The following UFM1 variants were observed in gnomAD, a reference collection of about 807,000 sequenced individuals.
UFM1 encodes the protein ubiquitin fold modifier 1.
Under a neutral mutation model 15.4 loss-of-function variants are expected in UFM1, and 9 were observed. The ratio of observed to expected loss-of-function variants is 0.59; its 90% CI spans 0.35 to 1.02. The LOEUF (loss-of-function observed/expected upper bound fraction) is 1.02. Ranked by LOEUF, UFM1 falls within the 50% of genes least tolerant of loss-of-function variation. UFM1 has a pLI of 0.02. For missense variants in UFM1, 98 were observed against 104.7 expected (o/e 0.94, Z 0.28); for synonymous variants, 27 against 36.3 (o/e 0.74, Z 0.92).
rs371532681 is a variant in UFM1, at chr13:38,349,939, G to C, written c.2+18G>C. On this transcript the variant is annotated intron_variant, in intron 1 of 5. Coordinates refer to ENST00000239878, the MANE Select transcript of UFM1 (RefSeq NM_016617.4). The stretch of plus-strand genomic sequence containing the variant: ...ACCACCATGTAAGTGTTTGCTTACC[G>C]ACTGCCATAATTCCTGGTCCAGCTG... 14 of 1,613,856 alleles carry C rather than the reference G, an allele frequency of 8.7e-6. No individual in the cohort carries two copies. In the African/African-American group the frequency reaches 1.9e-4, roughly 22 times the overall value.
intron 5 of UFM1, among the ~76,000 whole-genome samples, 166 bp from the exon 6 acceptor site, chr13:38,360,545 G>A (rs557479239): frequency 2.6e-4 from 40 of 152,184 alleles, no homozygotes; most frequent in African/African-American, 9.4e-4. Flanking sequence ...GAAGATAGGA[G>A]AATAGGAACA....
At chr13:38,350,175 T>G (rs749251369) in intron 2 of UFM1, 120 bp downstream of exon 2, 6 of 1,613,972 alleles carry the variant, frequency 3.7e-6, no homozygotes, top group Non-Finnish European at 5.1e-6. Context: ...TTCATCTACT[T>G]TCCTGGCTCG....
chr13:38,350,028 C>A lies in UFM1; in HGVS notation c.32C>A (p.Thr11Lys). 6.2e-7 allele frequency: 1 copy of A among 1,614,236 alleles called. No homozygotes were observed. The highest frequency in any genetic ancestry group is 8.5e-7 in the Non-Finnish European group (1 of 1,180,040). Residue 11 changes from threonine (T) to lysine (K), a missense_variant, in exon 2 of 6, where the codon ACG (threonine) becomes AAG (lysine). Coordinates refer to ENST00000239878, the MANE Select transcript of UFM1 (RefSeq NM_016617.4). The part of the protein sequence containing the change: MSKVSFKITL[T>K]SDPRLPYKVL... ...AAGGTTTCCTTTAAGATCACGCTGA[C>A]GTCGGACCCACGGCTGCCGTACAAA...
chr13:38,354,061 G>GTTATTA (rs201350733), intron 2 of UFM1, among the ~76,000 whole-genome samples, 178 bp from the exon 3 acceptor site: 14 of 151,698 alleles, frequency 9.2e-5, no homozygotes, highest in African/African-American at 2.9e-4. Context: ...TGTTTGGGTT[G>GTTATTA]TTATTATTAT....
At chr13:38,355,507 T>C (rs1004054610) in intron 3 of UFM1, among the ~76,000 whole-genome samples, 6 of 151,992 alleles carry the variant, frequency 3.9e-5, no homozygotes, top group African/African-American at 1.4e-4. Flanking sequence ...ATATTTGTTA[T>C]ATTTTTTAGT....
chr13:38,357,060 T>G (rs2140058216), intron 3 of UFM1, among the ~76,000 whole-genome samples: 1 of 151,998 alleles, frequency 6.6e-6, no homozygotes, highest in South Asian at 2.1e-4. Flanking sequence ...CAGGGGAGGC[T>G]TGCTATCACT....
chr13:38,352,354 C>T (rs978519992), intron 2 of UFM1, among the ~76,000 whole-genome samples: 1 of 152,130 alleles, frequency 6.6e-6, no homozygotes, highest in Non-Finnish European at 1.5e-5. Flanking sequence ...ACCTCGGCCT[C>T]CCAAAGTTCT....
intron 4 of UFM1, among the ~76,000 whole-genome samples, chr13:38,359,076 T>C (rs1006061144): frequency 6.6e-6 from 1 of 152,062 alleles, no homozygotes; most frequent in Non-Finnish European, 1.5e-5. Context: ...ATCATTGCAT[T>C]GACAGACGTT....
intron 2 of UFM1, among the ~76,000 whole-genome samples, chr13:38,351,184 G>A (rs928394524): frequency 2.0e-5 from 3 of 152,122 alleles, no homozygotes; most frequent in Non-Finnish European, 4.4e-5. Flanking sequence ...CCTCAACTCT[G>A]GTGGCCCTGT....
rs1879201714 is a variant in UFM1, at chr13:38,358,141, T to C, written c.157+9T>C. The C allele has an allele frequency of 1.4e-6, 2 of 1,455,784 alleles. No individual in the cohort carries two copies. The highest frequency in any genetic ancestry group is 2.9e-5 in the African/African-American group (2 of 68,510). 90.2% of individuals were successfully genotyped at this position (1,455,784 alleles called of 1,614,324 possible). On this transcript the variant is annotated intron_variant, in intron 4 of 5. Coordinates refer to ENST00000239878, the MANE Select transcript of UFM1 (RefSeq NM_016617.4). ...TGCAATTATTACCAATGGTAAGAAT[T>C]CACTATAAAATTATGTATTACCTCA... is the stretch of plus-strand genomic sequence containing the variant.
Position 38,359,297 on chromosome 13 carries a change from C to A in UFM1, c.158-4C>A, listed in dbSNP as rs1879264832. ...TGTATGTGATTTTACAACTTATTTTCTAGATGGAATAGGAATAAATCCTGC... is the reference window on the plus strand; with the variant it reads ...TGTATGTGATTTTACAACTTATTTTATAGATGGAATAGGAATAAATCCTGC... On this transcript the variant is annotated splice_region_variant and splice_polypyrimidine_tract_variant and intron_variant, in intron 4 of 5. Coordinates refer to ENST00000239878, the MANE Select transcript of UFM1 (RefSeq NM_016617.4). The A allele has an allele frequency of 1.1e-5, 17 of 1,607,586 alleles. No individual in the cohort carries two copies. Among genetic ancestry groups the A allele is most frequent in the Non-Finnish European group, 1.4e-5 (17 of 1,176,750 alleles).
At chr13:38,355,048 G>A (rs550929695) in intron 3 of UFM1, among the ~76,000 whole-genome samples, 1 of 151,960 alleles carries the variant, frequency 6.6e-6, no homozygotes, top group Admixed American at 6.6e-5. Context: ...GAAATTTTCT[G>A]TTGAAGTTAA....
rs1345319445 is a variant in UFM1 at position 38,363,037 on chromosome 13, A to G, written c.*2259A>G. ...TCTGTTCTTATTATTAGAGCTCTTA[A>G]TCAGCACACCTTTTGAGTCAGTATA... On this transcript the variant is annotated 3_prime_UTR_variant, in exon 6 of 6. Transcript: ENST00000239878. The G allele has an allele frequency of 6.6e-6, 1 of 152,196 alleles. No individual in the cohort carries two copies. The highest frequency in any genetic ancestry group is 2.4e-5 in the African/African-American group (1 of 41,450). 9.4% of individuals were successfully genotyped at this position (152,196 alleles called of 1,614,324 possible). A position where few individuals can be genotyped will look rare whatever the true frequency, so the allele number is the denominator to read the frequency against.
chr13:38,357,739 C>T (rs921685709), intron 3 of UFM1, among the ~76,000 whole-genome samples: 2 of 151,330 alleles, frequency 1.3e-5, no homozygotes, highest in Non-Finnish European at 1.5e-5. Context: ...CTTACAATAA[C>T]GTTAAAGAAA....
intron 2 of UFM1, 163 bp downstream of exon 2, chr13:38,350,218 G>T (rs750105365): frequency 1.2e-6 from 2 of 1,610,040 alleles, no homozygotes; most frequent in Non-Finnish European, 1.7e-6. Context: ...ACCGGAGCCT[G>T]CGAGGAGAGG....
chr13:38,349,975 ACTCTCT>A lies in UFM1; in HGVS notation c.3-22_3-17del, dbSNP rs1878743589. On this transcript the variant is annotated intron_variant, in intron 1 of 5. Transcript: ENST00000239878. ...TTCCTGGTCCAGCTGCCCGACCCTG[ACTCTCT>A]CCCGCTCTTTTCCTCAGGTCGAAGG... is the stretch of plus-strand genomic sequence containing the variant. 1 of 1,613,694 alleles carries A rather than the reference ACTCTCT, an allele frequency of 6.2e-7. No homozygotes were observed. Among genetic ancestry groups the A allele is most frequent in the Admixed American group, 1.7e-5 (1 of 59,992 alleles).
intron 2 of UFM1, 44 bp downstream of exon 2, chr13:38,350,099 C>T (rs780692347): frequency 2.5e-6 from 4 of 1,614,176 alleles, no homozygotes; most frequent in East Asian, 4.5e-5. Flanking sequence ...CCGGACAAGA[C>T]GGGGCTGGGT....
intron 2 of UFM1, among the ~76,000 whole-genome samples, chr13:38,352,431 G>A (rs1161716968): frequency 6.6e-6 from 1 of 151,850 alleles, no homozygotes; most frequent in East Asian, 1.9e-4. Flanking sequence ...AGTTAATCTC[G>A]CCCTTCTTGA....
In UFM1 at chr13:38,361,051, C is replaced by A; in HGVS notation, c.*273C>A. ...GTTCGTTGGGGGCAAATGAATTAGC[C>A]AACTGTTAACTGGAAGCTTTTGATA... On this transcript the variant is annotated 3_prime_UTR_variant, in exon 6 of 6. Transcript: ENST00000239878. 3.5e-6 allele frequency: 1 copy of A among 285,216 alleles called. No homozygotes were observed. The allele number at this position is 285,216 out of a possible 1,614,324, so 17.7% of individuals were successfully genotyped here. A position where few individuals can be genotyped will look rare whatever the true frequency, so the allele number is the denominator to read the frequency against.
Sources: gnomAD v4.1 joint callset for allele counts (sites outside exome capture counted in the v4.1 genomes callset) on GRCh38, gnomAD v4.1.1 for gene constraint, MANE v1.5 for transcripts, NCBI Gene and HGNC (gene_info 2026-07-23, HGNC 2026-07-21) for gene names.